Variants in DDX19A observed in about 807,000 individuals in gnomAD.
DDX19A encodes ATP-dependent RNA helicase DDX19A.
In DDX19A, 12 loss-of-function variants were observed where a neutral mutation model predicts 60.6. That is an observed-to-expected ratio of 0.20 (90% confidence interval 0.13 to 0.32). The LOEUF is 0.32. DDX19A is among the 10% of genes least tolerant of loss of function. The pLI is 1.00. For synonymous variants in DDX19A, 206 were observed against 218.2 expected (o/e 0.94, Z 0.49); for missense variants, 337 against 600.6 (o/e 0.56, Z 4.59).
intron 9 of DDX19A, 102 bp from the exon 10 acceptor site, chr16:70,370,121 C>G (rs1964637827): frequency 6.2e-6 from 9 of 1,449,996 alleles, no homozygotes; most frequent in Non-Finnish European, 7.3e-6. Context: ...GACTTGAGCC[C>G]AGGACTTTTT....
At chr16:70,370,494 T>A (rs1964652203) in intron 10 of DDX19A, 109 bp downstream of exon 10, 1 of 1,445,342 alleles carries the variant, frequency 6.9e-7, no homozygotes, top group African/African-American at 1.4e-5. Flanking sequence ...GGGAGATGGG[T>A]GGGGTTGGTG....
Position 70,350,574 on chromosome 16 carries a change from C to T in DDX19A, c.75C>T (p.Ile25=), listed in dbSNP as rs754689569. The change falls in exon 2 of 12, where the codon ATC becomes ATT. Residue 25 remains isoleucine (I), a synonymous_variant. Coordinates refer to ENST00000302243, the MANE Select transcript of DDX19A (RefSeq NM_018332.5). Reference sequence around the variant, plus strand: ...CTATTCAGATGACCAATTTGCAGATCAAGGAAGAGAAAGTCAAAGCAGATA... The same window carrying T: ...CTATTCAGATGACCAATTTGCAGATTAAGGAAGAGAAAGTCAAAGCAGATA... ...AAVKSMTNLQ[I]KEEKVKADTN... 1.5e-5 allele frequency: 24 copies of T among 1,612,048 alleles called. No homozygotes were observed. The highest frequency in any genetic ancestry group is 2.0e-5 in the Non-Finnish European group (23 of 1,179,196).
chr16:70,365,325 G>T, intron 7 of DDX19A, 194 bp downstream of exon 7: 2 of 410,752 alleles, frequency 4.9e-6, no homozygotes, highest in Non-Finnish European at 8.8e-6. Flanking sequence ...TAAGATTTTC[G>T]GTTGATTAAA....
At chr16:70,355,756 G>C (rs1964166584) in intron 3 of DDX19A, 1 of 590,878 alleles carries the variant, frequency 1.7e-6, no homozygotes, top group Non-Finnish European at 3.0e-6. Context: ...TGGGCCAGGA[G>C]TTCAAGACCA....
In DDX19A at chr16:70,350,601, C is replaced by G; in HGVS notation, c.102C>G (p.Thr34=). The change falls in exon 2 of 12, where the codon ACC becomes ACG. Residue 34 remains threonine, a synonymous_variant. Coordinates refer to ENST00000302243, the MANE Select transcript of DDX19A (RefSeq NM_018332.5). The part of the protein sequence containing the change: ...QIKEEKVKAD[T]NGIIKTSTTA... ...AGGAAGAGAAAGTCAAAGCAGATAC[C>G]AATGGTGAGTCACTAGTAACTACAA... is the stretch of plus-strand genomic sequence containing the variant. The G allele has an allele frequency of 6.2e-7, 1 of 1,610,778 alleles. No homozygotes were observed.
rs1268347783 is a variant in DDX19A at position 70,356,257 on chromosome 16, C to T, written c.293+10C>T. ...TTGAAGAGCTTCGGCTGTGAGTATT[C>T]GCTCCTTTCAACAGCTCTTCGTTGC... On this transcript the variant is annotated intron_variant, in intron 4 of 11. Transcript: ENST00000302243. 8.7e-6 allele frequency: 14 copies of T among 1,614,018 alleles called. No homozygotes were observed. In the African/African-American group the frequency reaches 1.2e-4, roughly 14 times the overall value.
chr16:70,371,173 G>T, intron 10 of DDX19A, 199 bp from the exon 11 acceptor site: 1 of 885,872 alleles, frequency 1.1e-6, no homozygotes, highest in Non-Finnish European at 1.7e-6. Flanking sequence ...TGATTTTGTT[G>T]GCACTTGCCA....
intron 2 of DDX19A, 150 bp from the exon 3 acceptor site, chr16:70,355,335 A>G: frequency 1.7e-6 from 1 of 605,274 alleles, no homozygotes; most frequent in Non-Finnish European, 2.9e-6. Context: ...AGGTTGCGCC[A>G]TTGCACTCCA....
intron 9 of DDX19A, among the ~76,000 whole-genome samples, chr16:70,369,433 C>T (rs913377499): frequency 6.6e-6 from 1 of 151,672 alleles, no homozygotes; most frequent in Non-Finnish European, 1.5e-5. Context: ...CCACCTCGGC[C>T]TCCCGAAGTG....
In DDX19A at chr16:70,370,373, G is replaced by A; in HGVS notation, c.1171G>A (p.Val391Met). 6.2e-7 allele frequency: 1 copy of A among 1,613,294 alleles called. No homozygotes were observed. Among genetic ancestry groups the A allele is most frequent in the Non-Finnish European group, 8.5e-7 (1 of 1,179,774 alleles). Residue 391 changes from valine to methionine, a missense_variant, in exon 10 of 12, where the codon GTG (valine) becomes ATG (methionine). Physicochemically the swap from Val to Met is conservative, Grantham distance 21. Coordinates refer to ENST00000302243, the MANE Select transcript of DDX19A (RefSeq NM_018332.5). The stretch of plus-strand genomic sequence containing the variant: ...AGAGAAGGTTTTGGTGACCACCAAC[G>A]TGTGTGCCCGCGGTGAGCAGAGGAC... ...GKEKVLVTTN[V>M]CARGIDVEQV...
At chr16:70,366,002 T>G in intron 7 of DDX19A, 83 bp from the exon 8 acceptor site, 1 of 1,598,928 alleles carries the variant, frequency 6.3e-7, no homozygotes, top group Non-Finnish European at 8.6e-7. Flanking sequence ...GTTCTCCTAG[T>G]CCTAGAAGGA....
Position 70,351,918 on chromosome 16 carries a change from G to C in DDX19A, c.106+1313G>C, listed in dbSNP as rs143768343. On this transcript the variant is annotated intron_variant, in intron 2 of 11. Coordinates refer to ENST00000302243, the MANE Select transcript of DDX19A (RefSeq NM_018332.5). ...AAAGTGAATCTGGGTTCAAAACTCA[G>C]AAAGTATAATAAAGTACAAGGATTA... 2.0e-4 allele frequency among the ~76,000 whole-genome samples: 31 copies of C among 152,068 alleles called. No homozygotes were observed. In the East Asian group the frequency reaches 5.9e-3, roughly 29 times the overall value.
At chr16:70,349,929 C>A (rs1309682174) in intron 1 of DDX19A, among the ~76,000 whole-genome samples, 1 of 152,134 alleles carries the variant, frequency 6.6e-6, no homozygotes, top group African/African-American at 2.4e-5. Flanking sequence ...GACTTGTGTA[C>A]CTTCACTTAA....
intron 2 of DDX19A, among the ~76,000 whole-genome samples, chr16:70,351,525 A>T (rs188226063): frequency 1.1e-3 from 166 of 150,410 alleles, no homozygotes; most frequent in African/African-American, 3.9e-3. Context: ...TTATTTATTT[A>T]TTTATTTTTA....
chr16:70,347,067 G>A lies in DDX19A; in HGVS notation c.57+19G>A. The A allele has an allele frequency of 1.2e-6, 2 of 1,607,940 alleles. No individual in the cohort carries two copies. The highest frequency in any genetic ancestry group is 1.7e-6 in the Non-Finnish European group (2 of 1,178,322). The stretch of plus-strand genomic sequence containing the variant: ...CAAGTCGGTCAGTAGCTCAGCTCCT[G>A]GCGAGGAGGACGTAGCAGGGGCCCA... On this transcript the variant is annotated intron_variant, in intron 1 of 11. Transcript: ENST00000302243.
intron 4 of DDX19A, among the ~76,000 whole-genome samples, chr16:70,360,415 G>A (rs1964333469): frequency 6.8e-6 from 1 of 146,206 alleles, no homozygotes; most frequent in African/African-American, 2.6e-5. Context: ...CTAACTCTTA[G>A]CCTCAGGCAA....
At chr16:70,362,340 CA>C (rs566741768) in intron 5 of DDX19A, among the ~76,000 whole-genome samples, 1,433 of 46,384 alleles carry the variant, frequency 0.031, 14 homozygotes, top group African/African-American at 0.096. Context: ...GACTCTGTCT[CA>C]AAAAAAAAAA....
At position 70,372,035 on chromosome 16, in the gene DDX19A, G is replaced by A. The variant is rs768406322; in HGVS notation, c.*49G>A. 5 of 1,613,874 alleles carry A rather than the reference G, an allele frequency of 3.1e-6. No individual in the cohort carries two copies. The Admixed American group carries it at 6.7e-5, about 22-fold the overall frequency. ...CAGCCCTGGCACTGCCCCTGCACAG[G>A]AGACAAGTGCATTTAGGGCACAGGC... On this transcript the variant is annotated 3_prime_UTR_variant, in exon 12 of 12. Coordinates refer to ENST00000302243, the MANE Select transcript of DDX19A (RefSeq NM_018332.5).
At chr16:70,367,540 A>G (rs866861481) in intron 9 of DDX19A, among the ~76,000 whole-genome samples, 5 of 152,122 alleles carry the variant, frequency 3.3e-5, no homozygotes, top group Non-Finnish European at 5.9e-5. Flanking sequence ...AATAGAAAAA[A>G]TAAATATTTA....
Sources: allele counts gnomAD v4.1 joint callset (sites outside exome capture counted in the v4.1 genomes callset), GRCh38; gene constraint gnomAD v4.1.1; transcripts MANE v1.5; gene names NCBI Gene and HGNC (gene_info 2026-07-23, HGNC 2026-07-21).